Variants in SOX30 observed in about 807,000 individuals in gnomAD.
SOX30 encodes the protein transcription factor SOX-30.
SOX30 carries 17 observed loss-of-function variants against 58.6 expected under a neutral mutation model. That is an observed-to-expected ratio of 0.29 (90% CI 0.20 to 0.44). The LOEUF is 0.44. Among genes scored for constraint, SOX30 ranks in the 20% least tolerant of loss-of-function variants. SOX30 has a pLI of 1.00. For missense variants in SOX30, 951 were observed against 965.8 expected (o/e 0.98, Z 0.20); for synonymous variants, 421 against 400.2 (o/e 1.05, Z -0.62).
chr5:157,638,560 G>A lies in SOX30; in HGVS notation c.1550C>T (p.Ser517Phe), dbSNP rs377581367. The change falls in exon 4 of 5, where the codon TCC (serine) becomes TTC (phenylalanine). Residue 517 changes from serine (S) to phenylalanine (F), a missense_variant. By Grantham distance (155) the Ser-to-Phe change is radical. Around this residue, in one of 7 missense-constraint regions of SOX30, gnomAD observed 381 missense variants for 390.0 expected, o/e 0.98. Transcript: ENST00000265007. ...ATGCAGCTGATGAGTGTCTGTTTGG[G>A]AAGGCCCAGTAAAGCGTTGGGGTGG... ...ALPPQRFTGP[S>F]QTDTHQLHSE... 20 of 1,614,052 alleles carry A rather than the reference G, an allele frequency of 1.2e-5. No homozygotes were observed. The highest frequency in any genetic ancestry group is 1.7e-5 in the Non-Finnish European group (20 of 1,180,054).
At chr5:157,627,090 G>A (rs759010979) in intron 4 of SOX30, among the ~76,000 whole-genome samples, 5 of 152,222 alleles carry the variant, frequency 3.3e-5, no homozygotes, top group Non-Finnish European at 5.9e-5. Context: ...GTGGTTGGGC[G>A]CGGTGGCTCA....
At chr5:157,632,062 A>AAAAAAAAAAAAAAAAAAAAAC (rs1758826397) in intron 4 of SOX30, among the ~76,000 whole-genome samples, 1 of 149,450 alleles carries the variant, frequency 6.7e-6, no homozygotes, top group Non-Finnish European at 1.5e-5. Flanking sequence ...AAAAAAAAAA[A>AAAAAAAAAAAAAAAAAAAAAC]AAAAAAAAAA....
At chr5:157,631,215 C>T (rs1421767854) in intron 4 of SOX30, among the ~76,000 whole-genome samples, 1 of 151,028 alleles carries the variant, frequency 6.6e-6, no homozygotes, top group Non-Finnish European at 1.5e-5. Flanking sequence ...TCCCAAGTAC[C>T]TGAGACTACA....
chr5:157,652,154 A>G lies in SOX30; in HGVS notation c.-76T>C. The G allele has an allele frequency of 7.3e-7, 1 of 1,378,118 alleles. No homozygotes were observed. The highest frequency in any genetic ancestry group is 9.3e-7 in the Non-Finnish European group (1 of 1,074,658). The allele number at this position is 1,378,118 out of a possible 1,614,324, so 85.4% of individuals were successfully genotyped here. Reference sequence around the variant, plus strand: ...GACCTTCCCCCTCCCCCTTTCGGTTAAGAGCCTTGCAAGGCCTTTGCTACC... The same window carrying G: ...GACCTTCCCCCTCCCCCTTTCGGTTGAGAGCCTTGCAAGGCCTTTGCTACC... On this transcript the variant is annotated 5_prime_UTR_variant, in exon 1 of 5. Transcript: ENST00000265007.
In SOX30 at chr5:157,635,068, A is replaced by G. The variant is rs1561579886; in HGVS notation, c.1880+3162T>C. Reference sequence around the variant, plus strand: ...ATACTATCTAGACAGTCATAAATAGATTATTTCCTTGGGGAAATTATCATC... The same window carrying G: ...ATACTATCTAGACAGTCATAAATAGGTTATTTCCTTGGGGAAATTATCATC... On this transcript the variant is annotated intron_variant, in intron 4 of 4. Transcript: ENST00000265007. Among the ~76,000 whole-genome samples the G allele has an allele frequency of 2.0e-5, 3 of 152,232 alleles. 1 individual carries two copies. Among genetic ancestry groups the G allele is most frequent in the Non-Finnish European group, 4.4e-5 (3 of 68,028 alleles).
At chr5:157,662,719 A>G (rs1759597875) in intron 2 of SOX30, among the ~76,000 whole-genome samples, 1 of 152,190 alleles carries the variant, frequency 6.6e-6, no homozygotes, top group East Asian at 1.9e-4. Flanking sequence ...ATGCCTCATT[A>G]CACTCCTCCA....
chr5:157,626,658 G>A lies in SOX30; in HGVS notation c.1944C>T (p.Cys648=). Residue 648 remains cysteine (C), a synonymous_variant, in exon 5 of 5, where the codon TGC becomes TGT. Coordinates refer to ENST00000265007, the MANE Select transcript of SOX30 (RefSeq NM_178424.2). The part of the protein sequence containing the change: ...YGNFPSSMPE[C]LSYYEDRYPK... The stretch of plus-strand genomic sequence containing the variant: ...GGTACCTGTCTTCATAATAACTAAG[G>A]CATTCTGGCATTGAACTCGGAAAAT... 1 of 1,613,672 alleles carries A rather than the reference G, an allele frequency of 6.2e-7. No individual in the cohort carries two copies. The highest frequency in any genetic ancestry group is 1.7e-4 in the Middle Eastern group (1 of 6,060).
intron 3 of SOX30, among the ~76,000 whole-genome samples, chr5:157,639,645 AG>A (rs1581393881): frequency 6.6e-6 from 1 of 152,352 alleles, no homozygotes; most frequent in Admixed American, 6.5e-5. Context: ...TGAGCTGCTA[AG>A]TGACCCAAAT....
Position 157,632,047 on chromosome 5 carries a change from T to TAAAAAAAAA in SOX30, c.1881-5335_1881-5327dup, listed in dbSNP as rs570172679. On this transcript the variant is annotated intron_variant, in intron 4 of 4. Coordinates refer to ENST00000265007, the MANE Select transcript of SOX30 (RefSeq NM_178424.2). Reference sequence around the variant, plus strand: ...GACACAGCAAGACCCACCCCGTAACTAAAAAAAAAAAAAAAAAAAAAAAAA... The same window carrying TAAAAAAAAA: ...GACACAGCAAGACCCACCCCGTAACTAAAAAAAAAAAAAAAAAAAAAAAAAAAAAAAAAA... 4.9e-3 allele frequency among the ~76,000 whole-genome samples: 274 copies of TAAAAAAAAA among 56,394 alleles called. 18 individuals are homozygous for TAAAAAAAAA. The highest frequency in any genetic ancestry group is 0.019 in the African/African-American group (248 of 12,762). The allele number at this position is 56,394 out of a possible 152,430, so 37.0% of individuals were successfully genotyped here.
At chr5:157,652,476 A>G, upstream of SOX30, 3 of 731,212 alleles carry the variant, frequency 4.1e-6, no homozygotes, top group Non-Finnish European at 5.0e-6. Flanking sequence ...CAGGCCGCTG[A>G]CATCCAGGGA....
intron 3 of SOX30, among the ~76,000 whole-genome samples, chr5:157,643,774 ATATT>A (rs1759125414): frequency 1.3e-5 from 2 of 152,220 alleles, no homozygotes; most frequent in South Asian, 4.1e-4. Flanking sequence ...CCGTAACTTC[ATATT>A]TAGAATATGA....
Position 157,651,972 on chromosome 5 carries a change from G to C in SOX30, c.107C>G (p.Pro36Arg). 6.9e-7 allele frequency: 1 copy of C among 1,453,672 alleles called. No individual in the cohort carries two copies. The highest frequency in any genetic ancestry group is 9.0e-7 in the Non-Finnish European group (1 of 1,108,830). The allele number at this position is 1,453,672 out of a possible 1,614,324, so 90.0% of individuals were successfully genotyped here. ...GTSFWAAAMEPPPSSPTLSAA... is the reference protein window; with the variant it reads ...GTSFWAAAMERPPSSPTLSAA... ...GCTCAGTGTGGGAGACGACGGAGGGGGCTCCATGGCTGCTGCCCAAAAGGA... is the reference window on the plus strand; with the variant it reads ...GCTCAGTGTGGGAGACGACGGAGGGCGCTCCATGGCTGCTGCCCAAAAGGA... Residue 36 changes from proline (P) to arginine (R), a missense_variant, in exon 1 of 5, where the codon CCC (proline) becomes CGC (arginine). Physicochemically the swap from Pro to Arg is moderately radical, Grantham distance 103. Transcript: ENST00000265007.
intron 3 of SOX30, among the ~76,000 whole-genome samples, chr5:157,644,163 T>C (rs1399816538): frequency 5.3e-5 from 8 of 152,144 alleles, no homozygotes; most frequent in Admixed American, 2.0e-4. Flanking sequence ...GAAACAAATT[T>C]GTTTGTTTGT....
chr5:157,668,512 CCATCCATCCATCCACT>C (rs1285878813), intron 1 of SOX30, among the ~76,000 whole-genome samples: 23 of 152,158 alleles, frequency 1.5e-4, no homozygotes, highest in South Asian at 4.1e-4. Flanking sequence ...ACTCACCAAT[CCATCCATCCATCCACT>C]CATCCATCCA....
chr5:157,630,874 T>TATAC (rs1430823899), intron 4 of SOX30, among the ~76,000 whole-genome samples: 2 of 138,916 alleles, frequency 1.4e-5, no homozygotes, highest in Non-Finnish European at 3.1e-5. Context: ...TATATATATA[T>TATAC]ATACAATATA....
At chr5:157,666,253 C>T (rs1012621503) in intron 2 of SOX30, among the ~76,000 whole-genome samples, 6 of 152,020 alleles carry the variant, frequency 3.9e-5, no homozygotes, top group Admixed American at 3.9e-4. Context: ...TTCCTGGGCA[C>T]AAGCGATCCT....
Position 157,651,454 on chromosome 5 carries a change from C to T in SOX30, c.625G>A (p.Glu209Lys). 1 of 1,613,434 alleles carries T rather than the reference C, an allele frequency of 6.2e-7. No individual in the cohort carries two copies. Among genetic ancestry groups the T allele is most frequent in the Non-Finnish European group, 8.5e-7 (1 of 1,180,022 alleles). The change falls in exon 1 of 5, where the codon GAA becomes AAA. Residue 209 changes from glutamate to lysine, a missense_variant. Around this residue, in one of 7 missense-constraint regions of SOX30, gnomAD observed 363 missense variants for 294.5 expected, o/e 1.23. Transcript: ENST00000265007. ...GAGKSPAAIR[E>K]GVIKTEEPER... ...GGTTCCTCCGTTTTGATCACACCTTCTCGGATGGCTGCCGGGCTTTTGCCT... is the reference window on the plus strand; with the variant it reads ...GGTTCCTCCGTTTTGATCACACCTTTTCGGATGGCTGCCGGGCTTTTGCCT...
chr5:157,660,250 G>C (rs145509367), intron 2 of SOX30, among the ~76,000 whole-genome samples: 84 of 152,106 alleles, frequency 5.5e-4, no homozygotes, highest in African/African-American at 2.0e-3. Context: ...GCAAAATCTC[G>C]TCTCTACAAA....
upstream of SOX30, among the ~76,000 whole-genome samples, chr5:157,654,705 G>A (rs931988655): frequency 6.6e-6 from 1 of 152,114 alleles, no homozygotes; most frequent in African/African-American, 2.4e-5. Flanking sequence ...TGATAAAACG[G>A]GTTGCAATAA....
Sources: allele counts gnomAD v4.1 joint callset (sites outside exome capture counted in the v4.1 genomes callset), GRCh38; gene constraint gnomAD v4.1.1; regional missense constraint gnomAD v4.1.1; transcripts MANE v1.5; gene names NCBI Gene and HGNC (gene_info 2026-07-23, HGNC 2026-07-21).